Variants in FOXO1 observed in about 807,000 individuals in gnomAD.
FOXO1 encodes forkhead box O1.
Under a neutral mutation model 44.1 loss-of-function variants are expected in FOXO1, and 6 were observed. The ratio of observed to expected loss-of-function variants is 0.14; its 90% CI spans 0.07 to 0.27. The LOEUF (loss-of-function observed/expected upper bound fraction) is 0.27, where lower values mean the gene tolerates loss of function less well. Ranked by LOEUF, FOXO1 falls within the 10% of genes least tolerant of loss-of-function variation. FOXO1 has a pLI of 1.00. For synonymous variants in FOXO1, 380 were observed against 362.7 expected, an observed-to-expected ratio of 1.05 and a Z score of -0.54; for missense variants, 737 against 888.8, an observed-to-expected ratio of 0.83 and a Z score of 2.17.
chr13:40,651,218 C>A (rs1412296117), intron 1 of FOXO1, among the ~76,000 whole-genome samples: 1 of 152,026 alleles, frequency 6.6e-6, no homozygotes, highest in African/African-American at 2.4e-5. Context: ...AGACTACAGG[C>A]ACACAGTACT....
At chr13:40,601,714 TA>T (rs909667450) in intron 1 of FOXO1, among the ~76,000 whole-genome samples, 2 of 152,202 alleles carry the variant, frequency 1.3e-5, no homozygotes, top group African/African-American at 4.8e-5. Context: ...GACACGTTTC[TA>T]AAAGATGTTG....
intron 1 of FOXO1, among the ~76,000 whole-genome samples, chr13:40,657,702 C>A (rs1052024284): frequency 6.6e-6 from 1 of 152,192 alleles, no homozygotes; most frequent in Non-Finnish European, 1.5e-5. Flanking sequence ...AGACACTTAA[C>A]TCTTCCCACT....
intron 1 of FOXO1, among the ~76,000 whole-genome samples, chr13:40,626,706 C>G (rs1419160614): frequency 6.6e-6 from 1 of 152,198 alleles, no homozygotes; most frequent in East Asian, 1.9e-4. Flanking sequence ...GGGAAAGATG[C>G]CTAGTTTCAC....
At chr13:40,586,890 C>G (rs143848486) in intron 1 of FOXO1, among the ~76,000 whole-genome samples, 1 of 152,156 alleles carries the variant, frequency 6.6e-6, no homozygotes, top group Non-Finnish European at 1.5e-5. Flanking sequence ...GGAAAGGAGA[C>G]ACGTTGAACA....
rs1036280547 is a variant in FOXO1, at chr13:40,556,079, A to C, written c.*2970T>G. 6.6e-6 allele frequency: 1 copy of C among 152,268 alleles called. No homozygotes were observed. The highest frequency in any genetic ancestry group is 2.4e-5 in the African/African-American group (1 of 41,472). 9.4% of individuals were successfully genotyped at this position (152,268 alleles called of 1,614,324 possible). A position where few individuals can be genotyped will look rare whatever the true frequency, so the allele number is the denominator to read the frequency against. ...ATGATTATTCCCAAACTAAAACCAG[A>C]AAAGAAACTTCTCTTTTAAAATTAG... On this transcript the variant is annotated 3_prime_UTR_variant, in exon 3 of 3. Transcript: ENST00000379561.
At chr13:40,574,542 A>T (rs1004085996) in intron 1 of FOXO1, among the ~76,000 whole-genome samples, 2 of 152,264 alleles carry the variant, frequency 1.3e-5, no homozygotes, top group African/African-American at 4.8e-5. Flanking sequence ...CAAGGTTTTT[A>T]TTAGAAATTA....
chr13:40,559,983 A>T lies in FOXO1; in HGVS notation c.1508T>A (p.Val503Asp). Reference sequence around the variant, plus strand: ...TGCCTGGCTGCCATAGGTTGACATGACCGAATTAGGGCCCATCATGACGTT... The same window carrying T: ...TGCCTGGCTGCCATAGGTTGACATGTCCGAATTAGGGCCCATCATGACGTT... ...GQNVMMGPNS[V>D]MSTYGSQASH... Residue 503 changes from valine to aspartate, a missense_variant, in exon 2 of 3, where the codon GTC becomes GAC. Val to Asp is a radical substitution (Grantham distance 152). Transcript: ENST00000379561. 1 of 1,614,142 alleles carries T rather than the reference A, an allele frequency of 6.2e-7. No homozygotes were observed. Among genetic ancestry groups the T allele is most frequent in the Non-Finnish European group, 8.5e-7 (1 of 1,180,040 alleles).
chr13:40,641,845 G>T (rs749943664), intron 1 of FOXO1, among the ~76,000 whole-genome samples: 8 of 152,064 alleles, frequency 5.3e-5, no homozygotes, highest in Non-Finnish European at 8.8e-5. Context: ...AATTAGCAGG[G>T]CATGGTGGCG....
chr13:40,650,575 G>C (rs1217854278), intron 1 of FOXO1, among the ~76,000 whole-genome samples: 1 of 152,182 alleles, frequency 6.6e-6, no homozygotes, highest in Non-Finnish European at 1.5e-5. Flanking sequence ...AGATCACAAA[G>C]AAGGGCAGTG....
intron 1 of FOXO1, among the ~76,000 whole-genome samples, chr13:40,642,866 CCACTA>C (rs1877395500): frequency 6.6e-6 from 1 of 152,106 alleles, no homozygotes; most frequent in South Asian, 2.1e-4. Context: ...CGAGACTGTG[CCACTA>C]CACTTCAACC....
intron 1 of FOXO1, among the ~76,000 whole-genome samples, chr13:40,562,108 C>T (rs1874050099): frequency 6.6e-6 from 1 of 152,076 alleles, no homozygotes; most frequent in Admixed American, 6.5e-5. Context: ...AGAAAGCTGA[C>T]CTGCCAAAAG....
At chr13:40,641,628 A>G (rs1193212756) in intron 1 of FOXO1, among the ~76,000 whole-genome samples, 1 of 152,072 alleles carries the variant, frequency 6.6e-6, no homozygotes, top group Non-Finnish European at 1.5e-5. Flanking sequence ...CCAAAATTCC[A>G]AAGATAATTA....
intron 1 of FOXO1, among the ~76,000 whole-genome samples, chr13:40,649,403 C>G (rs968888460): frequency 6.6e-6 from 1 of 152,112 alleles, no homozygotes; most frequent in African/African-American, 2.4e-5. Context: ...TGGAGGCCCC[C>G]AAGTTGTCAA....
chr13:40,610,615 G>A (rs1414985232), intron 1 of FOXO1, among the ~76,000 whole-genome samples: 1 of 152,100 alleles, frequency 6.6e-6, no homozygotes, highest in Non-Finnish European at 1.5e-5. Flanking sequence ...AACTGAGGCT[G>A]TTTTTACAGG....
At chr13:40,635,595 C>G (rs931433323) in intron 1 of FOXO1, among the ~76,000 whole-genome samples, 1 of 152,212 alleles carries the variant, frequency 6.6e-6, no homozygotes, top group African/African-American at 2.4e-5. Context: ...AAAATATTTT[C>G]ATTACCACGA....
chr13:40,607,637 T>A (rs3908773), intron 1 of FOXO1, among the ~76,000 whole-genome samples: 30,368 of 152,186 alleles, frequency 0.2, 4,542 homozygotes, highest in East Asian at 0.64. Context: ...TTTAGTATTG[T>A]ACACATAGGT....
chr13:40,596,048 G>A lies in FOXO1; in HGVS notation c.631-35188C>T, dbSNP rs188091702. ...TATTTAATACAACAGAATTTGCTCT[G>A]AGTTGGAAGGACAGGGGTTTCAGCC... is the stretch of plus-strand genomic sequence containing the variant. On this transcript the variant is annotated intron_variant, in intron 1 of 2. Coordinates refer to ENST00000379561, the MANE Select transcript of FOXO1 (RefSeq NM_002015.4). Among the ~76,000 whole-genome samples the A allele has an allele frequency of 5.0e-3, 756 of 151,046 alleles. 6 individuals are homozygous for A. The highest frequency in any genetic ancestry group is 8.5e-3 in the Non-Finnish European group (577 of 67,924).
rs904417459 is a variant in FOXO1, at chr13:40,661,509, G to A, written c.630+4074C>T. Among the ~76,000 whole-genome samples the A allele has an allele frequency of 6.6e-5, 10 of 152,074 alleles. 1 individual carries two copies. Among genetic ancestry groups the A allele is most frequent in the African/African-American group, 2.4e-4 (10 of 41,396 alleles). On this transcript the variant is annotated intron_variant, in intron 1 of 2. Coordinates refer to ENST00000379561, the MANE Select transcript of FOXO1 (RefSeq NM_002015.4). ...ATGAGGTTTCACCATGTTGCCCAGG[G>A]TGGTCTTGAACTCCTGAGCTCAGGC...
chr13:40,644,519 T>A (rs1877452780), intron 1 of FOXO1, among the ~76,000 whole-genome samples: 1 of 151,898 alleles, frequency 6.6e-6, no homozygotes, highest in South Asian at 2.1e-4. Flanking sequence ...AGAAAAAAAA[T>A]CACAATGTTA....
Sources: allele counts gnomAD v4.1 joint callset (sites outside exome capture counted in the v4.1 genomes callset), GRCh38; gene constraint gnomAD v4.1.1; transcripts MANE v1.5; gene names NCBI Gene and HGNC (gene_info 2026-07-23, HGNC 2026-07-21).